JAZF1: variants seen among roughly 807,000 people sequenced by gnomAD.
JAZF1 encodes juxtaposed with another zinc finger protein 1.
JAZF1 carries 8 observed loss-of-function variants against 26.4 expected under a neutral mutation model. The observed-to-expected ratio is 0.30, with a 90% CI of 0.18 to 0.55. JAZF1 has a LOEUF of 0.55. Among genes scored for constraint, JAZF1 ranks in the 20% least tolerant of loss-of-function variants. The pLI is 0.94. For missense variants in JAZF1, 199 were observed against 322.0 expected, an observed-to-expected ratio of 0.62 and a Z score of 2.92; for synonymous variants, 126 against 122.3, an observed-to-expected ratio of 1.03 and a Z score of -0.20.
At chr7:27,939,008 T>TTG (rs1215451022) in intron 2 of JAZF1, among the ~76,000 whole-genome samples, 4 of 152,144 alleles carry the variant, frequency 2.6e-5, no homozygotes, top group Non-Finnish European at 5.9e-5. Context: ...TGGCTCTCAC[T>TTG]TGTTTCCATG....
chr7:27,871,118 G>T (rs1384448590), intron 3 of JAZF1, among the ~76,000 whole-genome samples: 2 of 152,214 alleles, frequency 1.3e-5, no homozygotes, highest in African/African-American at 4.8e-5. Context: ...AAAAAGGAGA[G>T]ATTTTCCAAT....
intron 2 of JAZF1, chr7:27,914,769 A>T (rs1468036307): frequency 8.5e-6 from 4 of 471,068 alleles, no homozygotes; most frequent in Admixed American, 2.3e-5. Flanking sequence ...ATGCTACAGT[A>T]GATCGGTTCA....
intron 1 of JAZF1, among the ~76,000 whole-genome samples, chr7:27,999,342 G>A (rs921475905): frequency 6.6e-6 from 1 of 152,126 alleles, no homozygotes; most frequent in African/African-American, 2.4e-5. Flanking sequence ...CAACACAAAA[G>A]ATCACAAAGA....
intron 1 of JAZF1, among the ~76,000 whole-genome samples, chr7:28,037,896 T>C (rs1007270807): frequency 6.6e-6 from 1 of 152,210 alleles, no homozygotes; most frequent in Non-Finnish European, 1.5e-5. Context: ...GTAATATGTC[T>C]CCTCATAATT....
At chr7:27,883,421 T>C (rs1783804767) in intron 3 of JAZF1, among the ~76,000 whole-genome samples, 1 of 152,208 alleles carries the variant, frequency 6.6e-6, no homozygotes, top group African/African-American at 2.4e-5. Context: ...ATAGTAGAGA[T>C]GAAATTCAGG....
intron 1 of JAZF1, among the ~76,000 whole-genome samples, chr7:28,080,600 G>A (rs1784119473): frequency 6.6e-6 from 1 of 152,152 alleles, no homozygotes; most frequent in African/African-American, 2.4e-5. Context: ...AACACTTACA[G>A]GTCATCATAA....
chr7:27,898,224 T>C (rs1784102994), intron 2 of JAZF1, among the ~76,000 whole-genome samples: 1 of 148,724 alleles, frequency 6.7e-6, no homozygotes, highest in African/African-American at 2.5e-5. Flanking sequence ...GCATATCCAG[T>C]GTAAGAGACA....
intron 1 of JAZF1, among the ~76,000 whole-genome samples, chr7:28,165,693 C>A (rs1181166158): frequency 6.6e-6 from 1 of 152,228 alleles, no homozygotes; most frequent in African/African-American, 2.4e-5. Flanking sequence ...TTGAGCTTCA[C>A]TGAACTTCAT....
At chr7:27,934,061 A>T (rs1017610054) in intron 2 of JAZF1, among the ~76,000 whole-genome samples, 6 of 152,212 alleles carry the variant, frequency 3.9e-5, no homozygotes, top group Non-Finnish European at 8.8e-5. Context: ...ATGGAAATTG[A>T]AAGAGTATGA....
At chr7:27,914,885 C>T (rs561876029) in intron 2 of JAZF1, 1 of 469,072 alleles carries the variant, frequency 2.1e-6, no homozygotes, top group East Asian at 7.0e-5. Flanking sequence ...CTAGTGTGCT[C>T]ATAGGACCTA....
intron 3 of JAZF1, 83 bp downstream of exon 3, chr7:27,895,137 C>T (rs1784037369): frequency 1.2e-6 from 1 of 852,058 alleles, no homozygotes; most frequent in Admixed American, 3.5e-5. Context: ...TGTCCCCAGC[C>T]CCTTTCTGCC....
chr7:28,104,176 G>A (rs970304981), intron 1 of JAZF1, among the ~76,000 whole-genome samples: 5 of 151,940 alleles, frequency 3.3e-5, no homozygotes, highest in Admixed American at 6.6e-5. Flanking sequence ...TTCTCCCTGG[G>A]GCGACTCCCC....
At chr7:28,025,499 C>T (rs1412192556) in intron 1 of JAZF1, among the ~76,000 whole-genome samples, 4 of 85,262 alleles carry the variant, frequency 4.7e-5, no homozygotes, top group Admixed American at 3.2e-4. Context: ...AAGCAGTCTT[C>T]AAACCCAGTT....
chr7:28,179,601 C>T (rs1259084576), intron 1 of JAZF1, among the ~76,000 whole-genome samples: 1 of 151,132 alleles, frequency 6.6e-6, no homozygotes, highest in Non-Finnish European at 1.5e-5. Flanking sequence ...CAGGGGCCTC[C>T]AGGGCGCGTC....
intron 4 of JAZF1, among the ~76,000 whole-genome samples, chr7:27,838,962 G>A (rs1317711560): frequency 6.6e-6 from 1 of 152,188 alleles, no homozygotes; most frequent in Non-Finnish European, 1.5e-5. Flanking sequence ...TGGGTGGAGA[G>A]AGAACACTCA....
At chr7:27,908,704 GAAC>G (rs974468729) in intron 2 of JAZF1, among the ~76,000 whole-genome samples, 1 of 152,170 alleles carries the variant, frequency 6.6e-6, no homozygotes, top group Non-Finnish European at 1.5e-5. Context: ...TCCCCTGTAA[GAAC>G]AACAAATGAC....
chr7:27,870,948 A>C (rs560505907), intron 3 of JAZF1, among the ~76,000 whole-genome samples: 5 of 152,236 alleles, frequency 3.3e-5, no homozygotes, highest in Non-Finnish European at 7.3e-5. Flanking sequence ...CAGAGTAGTT[A>C]GCAATGCTTC....
At chr7:27,881,181 G>C (rs568276614) in intron 3 of JAZF1, among the ~76,000 whole-genome samples, 1 of 152,212 alleles carries the variant, frequency 6.6e-6, no homozygotes, top group South Asian at 2.1e-4. Context: ...TTCATCTCCC[G>C]GGGAGGGGGC....
intron 2 of JAZF1, among the ~76,000 whole-genome samples, chr7:27,920,828 C>T (rs1562529510): frequency 2.6e-5 from 4 of 152,058 alleles, no homozygotes. Context: ...TCTAAATACC[C>T]GTAAGTGGAA....
Sources: allele counts gnomAD v4.1 joint callset (sites outside exome capture counted in the v4.1 genomes callset), GRCh38; gene constraint gnomAD v4.1.1; transcripts MANE v1.5; gene names NCBI Gene and HGNC (gene_info 2026-07-23, HGNC 2026-07-21).